PUDP: variants seen among roughly 807,000 people sequenced by gnomAD.
PUDP encodes pseudouridine 5'-phosphatase, also known as pseudouridine-5'-phosphatase.
A neutral mutation model predicts 9.4 loss-of-function variants in PUDP; 8 were observed. That is an observed-to-expected ratio of 0.85 (90% CI 0.50 to 1.53). The LOEUF (loss-of-function observed/expected upper bound fraction) is 1.53. Among genes scored for constraint, PUDP ranks in the 40% most tolerant of loss-of-function variants. The probability of loss-of-function intolerance (pLI) is 0.00; values close to 1 mark genes in which losing one functional copy is unlikely to be tolerated. For missense variants in PUDP, 188 were observed against 189.7 expected (o/e 0.99, Z 0.05); for synonymous variants, 99 against 80.7 (o/e 1.23, Z -1.22).
chrX:7,079,451 A>C (rs1020004145), intron 2 of PUDP, among the ~76,000 whole-genome samples: 2 of 112,572 alleles, frequency 1.8e-5, no homozygotes, highest in African/African-American at 6.5e-5. Context: ...CTTCAGAACC[A>C]CTGTCAAGCA....
intron 3 of PUDP, among the ~76,000 whole-genome samples, chrX:6,728,933 A>C (rs1160048884): frequency 9.0e-6 from 1 of 110,880 alleles, no homozygotes; most frequent in Non-Finnish European, 1.9e-5. Flanking sequence ...TTTTATGACC[A>C]TGATGGTTCT....
At chrX:6,729,689 C>T (rs1036508027) in intron 3 of PUDP, among the ~76,000 whole-genome samples, 14 of 111,250 alleles carry the variant, frequency 1.3e-4, no homozygotes, top group African/African-American at 4.2e-4. Context: ...TCCTTTTTCT[C>T]TTTTTTCCTT....
chrX:6,973,403 T>A (rs369827006), intron 3 of PUDP, among the ~76,000 whole-genome samples: 6 of 112,080 alleles, frequency 5.4e-5, no homozygotes, highest in African/African-American at 1.9e-4. Context: ...TTTTTGTATG[T>A]TGTGTCTTTG....
At chrX:7,136,350 T>C (rs1020439518) in intron 1 of PUDP, among the ~76,000 whole-genome samples, 9 of 112,004 alleles carry the variant, frequency 8.0e-5, no homozygotes, top group Non-Finnish European at 1.5e-4. Flanking sequence ...CCCCCAGAGC[T>C]GCCCGCTCTG....
chrX:6,803,732 T>A (rs1371281750), intron 3 of PUDP, among the ~76,000 whole-genome samples: 1 of 112,092 alleles, frequency 8.9e-6, no homozygotes, highest in Admixed American at 9.4e-5. Context: ...TTTACACCAC[T>A]GAGGAATTTA....
At chrX:7,024,773 A>T (rs866880987) in intron 1 of PUDP, among the ~76,000 whole-genome samples, 63 of 15,884 alleles carry the variant, frequency 4.0e-3, no homozygotes, top group Non-Finnish European at 6.7e-3. Context: ...TTTTTTTTTT[A>T]GTAGAGACGG....
At chrX:6,900,642 A>G (rs967438171) in intron 3 of PUDP, among the ~76,000 whole-genome samples, 4 of 108,675 alleles carry the variant, frequency 3.7e-5, no homozygotes, top group African/African-American at 1.3e-4. Context: ...CCTTTAAGTA[A>G]CTTTTTCAGG....
chrX:6,797,507 C>A (rs1192269028), intron 3 of PUDP, among the ~76,000 whole-genome samples: 3 of 111,603 alleles, frequency 2.7e-5, no homozygotes, highest in Non-Finnish European at 5.6e-5. Flanking sequence ...AAGATGGCAG[C>A]CATCTTGTAA....
In PUDP at chrX:6,816,130, CACAA is replaced by C. The variant is rs1419143194; in HGVS notation, c.*248-109668_*248-109665del. Among the ~76,000 whole-genome samples the C allele has an allele frequency of 3.8e-5, 4 of 106,337 alleles. 1 individual carries two copies. The highest frequency in any genetic ancestry group is 1.4e-4 in the African/African-American group (4 of 29,502). 92.3% of individuals were successfully genotyped at this position (106,337 alleles called of 115,157 possible). A position where few individuals can be genotyped will look rare whatever the true frequency, so the allele number is the denominator to read the frequency against. ...AAACATAAACATGAATAAACATAAA[CACAA>C]ACAATACAAAGGAATAGCTAAGAGA... On this transcript the variant is annotated intron_variant and NMD_transcript_variant, in intron 3 of 3. Transcript: ENST00000655425.
downstream of PUDP, among the ~76,000 whole-genome samples, chrX:7,045,025 T>TC (rs756724466): frequency 7.4e-4 from 82 of 110,969 alleles, no homozygotes; most frequent in African/African-American, 1.6e-3. Flanking sequence ...TCGCTCTGTG[T>TC]CCCCCCCCAA....
upstream of PUDP, among the ~76,000 whole-genome samples, chrX:6,723,432 CAAAAAAAAAAAA>C (rs549361509): frequency 5.0e-3 from 87 of 17,328 alleles, no homozygotes; most frequent in African/African-American, 0.01. Flanking sequence ...GAGGCTCTGT[CAAAAAAAAAAAA>C]AAAAAAAAAA....
intron 1 of PUDP, among the ~76,000 whole-genome samples, chrX:7,144,901 A>C (rs1932832648): frequency 1.8e-5 from 2 of 111,682 alleles, no homozygotes; most frequent in Non-Finnish European, 3.8e-5. Flanking sequence ...CATTTTACAC[A>C]TACCACATTT....
intron 3 of PUDP, among the ~76,000 whole-genome samples, chrX:6,814,315 A>C (rs2062877060): frequency 9.1e-6 from 1 of 109,635 alleles, no homozygotes; most frequent in Non-Finnish European, 1.9e-5. Flanking sequence ...TTCATGCAAG[A>C]CTCATTTTTC....
chrX:7,103,018 A>G (rs1931783610), intron 2 of PUDP, among the ~76,000 whole-genome samples: 1 of 112,088 alleles, frequency 8.9e-6, no homozygotes. Context: ...TACAGATTCA[A>G]TGCAATCCCT....
At chrX:6,920,308 T>C (rs1176270567) in intron 3 of PUDP, among the ~76,000 whole-genome samples, 3 of 111,238 alleles carry the variant, frequency 2.7e-5, no homozygotes, top group African/African-American at 9.8e-5. Flanking sequence ...CTAGTCCCAT[T>C]GTACACTGCA....
intron 1 of PUDP, among the ~76,000 whole-genome samples, chrX:6,709,584 A>C (rs1298911145): frequency 4.5e-5 from 5 of 112,065 alleles, no homozygotes; most frequent in Non-Finnish European, 9.4e-5. Context: ...ATTCAAAGTG[A>C]CATTGGTGAG....
At chrX:7,108,849 G>A (rs1467599327) in intron 1 of PUDP, among the ~76,000 whole-genome samples, 2 of 111,667 alleles carry the variant, frequency 1.8e-5, no homozygotes, top group African/African-American at 3.3e-5. Flanking sequence ...TCTGCGCCTG[G>A]CCACAAGCTG....
At chrX:6,968,379 A>G (rs769197853) in intron 3 of PUDP, among the ~76,000 whole-genome samples, 5 of 112,011 alleles carry the variant, frequency 4.5e-5, no homozygotes, top group South Asian at 3.7e-4. Flanking sequence ...TGCCTTTCCC[A>G]GTTTCAGGAG....
intron 1 of PUDP, among the ~76,000 whole-genome samples, chrX:6,982,866 T>C (rs1929054553): frequency 8.9e-6 from 1 of 112,427 alleles, no homozygotes; most frequent in Admixed American, 9.4e-5. Flanking sequence ...ATGTCAGATT[T>C]CTCTCACTGT....
Sources: gnomAD v4.1 joint callset for allele counts (sites outside exome capture counted in the v4.1 genomes callset) on GRCh38, gnomAD v4.1.1 for gene constraint, MANE v1.5 for transcripts, NCBI Gene and HGNC (gene_info 2026-07-23, HGNC 2026-07-21) for gene names.